The following CIB1 variants were observed in gnomAD, a reference collection of about 807,000 sequenced individuals.
CIB1 encodes the protein calcium and integrin binding 1, also known as calcium and integrin-binding protein 1.
In CIB1, 19 loss-of-function variants were observed where a neutral mutation model predicts 25.0. The ratio of observed to expected loss-of-function variants is 0.76; its 90% CI spans 0.53 to 1.12. The LOEUF (loss-of-function observed/expected upper bound fraction) is 1.12, where lower values mean the gene tolerates loss of function less well. CIB1 is among the 50% of genes most tolerant of loss of function. The probability of loss-of-function intolerance (pLI) is 0.00; values close to 1 mark genes in which losing one functional copy is unlikely to be tolerated. For missense variants in CIB1, 236 were observed against 242.6 expected (o/e 0.97, Z 0.18); for synonymous variants, 104 against 98.5 (o/e 1.06, Z -0.33).
chr15:90,244,484 C>G, the CIB1 span: 14 of 152,122 alleles, frequency 9.2e-5, no homozygotes, highest in Non-Finnish European at 2.1e-4. Context: ...GGTGTGAAAT[C>G]TCATTTTCCT....
rs201345895 is a variant in CIB1 at position 90,232,202 on chromosome 15, G to A, written c.195+17C>T. 3 of 1,596,242 alleles carry A rather than the reference G, an allele frequency of 1.9e-6. No homozygotes were observed. The East Asian group carries it at 6.8e-5, about 36-fold the overall frequency. ...GGGAGTGGTGGGAGAGGTGTCAAAG[G>A]AGGGGAGCGCTTGCACCTTGAGCTC... On this transcript the variant is annotated intron_variant, in intron 3 of 6. Transcript: ENST00000328649.
chr15:90,263,719 G>A, the CIB1 span: 1 of 653,794 alleles, frequency 1.5e-6, no homozygotes, highest in African/African-American at 1.8e-5. Context: ...AATGTGGTAA[G>A]GGGCTGCTCT....
At chr15:90,241,892 C>T in the CIB1 span, 1 of 1,614,094 alleles carries the variant, frequency 6.2e-7, no homozygotes. Context: ...GTGAAGCTTT[C>T]AATGTTGCCC....
intron 6 of CIB1, 59 bp downstream of exon 6, chr15:90,230,875 C>A: frequency 2.1e-6 from 3 of 1,421,534 alleles, no homozygotes; most frequent in Non-Finnish European, 3.0e-6. Context: ...TGCCCTAGGC[C>A]CAGAGGCAGC....
Position 90,233,899 on chromosome 15 carries a change from G to GC in CIB1, c.-15dup. 6.8e-7 allele frequency: 1 copy of GC among 1,463,732 alleles called. No homozygotes were observed. Among genetic ancestry groups the GC allele is most frequent in the African/African-American group, 1.4e-5 (1 of 69,886 alleles). 90.7% of individuals were successfully genotyped at this position (1,463,732 alleles called of 1,614,324 possible). A position where few individuals can be genotyped will look rare whatever the true frequency, so the allele number is the denominator to read the frequency against. ...CGAGCCCCCCATCGCCCCGCCGCGC[G>GC]CACAGCTCCGCCAACTCGCCTCGAG... On this transcript the variant is annotated 5_prime_UTR_variant, in exon 1 of 7. Coordinates refer to ENST00000328649, the MANE Select transcript of CIB1 (RefSeq NM_006384.4).
At chr15:90,255,974 C>T in the CIB1 span, 5 of 1,594,408 alleles carry the variant, frequency 3.1e-6, no homozygotes, top group Non-Finnish European at 4.3e-6. Context: ...AGGAATGTCT[C>T]AGAGGGATGG....
chr15:90,265,533 A>C, the CIB1 span: 5 of 1,385,352 alleles, frequency 3.6e-6, no homozygotes, highest in African/African-American at 7.4e-5. Flanking sequence ...CCCTCTCCAC[A>C]GTTACAGGCA....
At chr15:90,257,694 G>A in the CIB1 span, 1 of 1,614,164 alleles carries the variant, frequency 6.2e-7, no homozygotes. Context: ...TGAGAATTTT[G>A]TCCGGGATGG....
chr15:90,255,605 T>C, the CIB1 span: 2 of 1,107,576 alleles, frequency 1.8e-6, no homozygotes, highest in Non-Finnish European at 2.7e-6. Context: ...AACCTTCCTA[T>C]GTTTGCCCTT....
At chr15:90,242,069 C>A in the CIB1 span, 1 of 1,589,212 alleles carries the variant, frequency 6.3e-7, no homozygotes, top group Non-Finnish European at 8.6e-7. Context: ...AGCAATAATA[C>A]TTCTGGATGT....
the CIB1 span, chr15:90,241,721 C>CA: frequency 4.3e-6 from 7 of 1,614,232 alleles, no homozygotes; most frequent in Non-Finnish European, 5.9e-6. Context: ...CCTTGATAAG[C>CA]AGGGTATGTC....
chr15:90,256,543 CTTT>C, the CIB1 span, among the ~76,000 whole-genome samples: 3 of 141,100 alleles, frequency 2.1e-5, no homozygotes, highest in African/African-American at 7.8e-5. Context: ...TGTCTCCTTC[CTTT>C]TTCTTTCTTT....
chr15:90,251,496 T>C, the CIB1 span: 1 of 1,505,868 alleles, frequency 6.6e-7, no homozygotes. Context: ...TGTCTTTTCA[T>C]CTGAGTACCT....
chr15:90,255,921 G>C, the CIB1 span: 18 of 1,613,514 alleles, frequency 1.1e-5, no homozygotes, highest in South Asian at 7.7e-5. Context: ...GAGATACCAG[G>C]GGGAGGAAAA....
Position 90,231,524 on chromosome 15 carries a change from CA to C in CIB1, c.196-18del. 1.2e-6 allele frequency: 2 copies of C among 1,612,090 alleles called. No individual in the cohort carries two copies. Among genetic ancestry groups the C allele is most frequent in the Admixed American group, 3.4e-5 (2 of 59,690 alleles). ...GGGGTTGGCCTAGGAGAACAAACGC[CA>C]CAGGACGTGGCCCAGGTCACACGCT... On this transcript the variant is annotated intron_variant, in intron 3 of 6. Coordinates refer to ENST00000328649, the MANE Select transcript of CIB1 (RefSeq NM_006384.4).
chr15:90,241,617 C>G, the CIB1 span: 30 of 1,613,932 alleles, frequency 1.9e-5, no homozygotes, highest in East Asian at 6.5e-4. Context: ...GCCAAGCGAG[C>G]CCCTGGACCC....
the CIB1 span, chr15:90,263,344 T>C: frequency 1.8e-6 from 1 of 546,516 alleles, no homozygotes; most frequent in Non-Finnish European, 3.2e-6. Flanking sequence ...TTGTTTTAGA[T>C]ATGACATCCA....
At chr15:90,238,835 T>A (rs996399656), upstream of CIB1, among the ~76,000 whole-genome samples, 2 of 152,192 alleles carry the variant, frequency 1.3e-5, no homozygotes, top group Non-Finnish European at 2.9e-5. Context: ...CAGGTATGAT[T>A]TTCTGGAGGG....
At chr15:90,265,593 G>T in the CIB1 span, 1 of 1,423,518 alleles carries the variant, frequency 7.0e-7, no homozygotes, top group Non-Finnish European at 9.5e-7. Flanking sequence ...CCCCCACCAA[G>T]TGAAGCGGGA....
Sources: gnomAD v4.1 joint callset for allele counts (sites outside exome capture counted in the v4.1 genomes callset) on GRCh38, gnomAD v4.1.1 for gene constraint, MANE v1.5 for transcripts, NCBI Gene and HGNC (gene_info 2026-07-23, HGNC 2026-07-21) for gene names.